Variants in CABCOCO1 observed in about 807,000 individuals in gnomAD.
The protein encoded by CABCOCO1 is ciliary associated calcium binding coiled-coil 1, also known as ciliary-associated calcium-binding coiled-coil protein 1.
Under a neutral mutation model 35.7 loss-of-function variants are expected in CABCOCO1, and 28 were observed. That is an observed-to-expected ratio of 0.78 (90% CI 0.58 to 1.07). The LOEUF (loss-of-function observed/expected upper bound fraction) is 1.07, where lower values mean the gene tolerates loss of function less well. Ranked by LOEUF, CABCOCO1 falls within the 50% of genes least tolerant of loss-of-function variation. CABCOCO1 has a pLI of 0.00. For synonymous variants in CABCOCO1, 95 were observed against 100.1 expected (o/e 0.95, Z 0.30); for missense variants, 326 against 309.2 (o/e 1.05, Z -0.41).
intron 5 of CABCOCO1, among the ~76,000 whole-genome samples, chr10:61,738,977 GT>G (rs568788033): frequency 2.2e-4 from 33 of 150,438 alleles, no homozygotes; most frequent in Admixed American, 7.3e-4. Context: ...TTACAAGTGA[GT>G]TTTTTTTTTC....
intron 5 of CABCOCO1, among the ~76,000 whole-genome samples, chr10:61,758,969 G>A (rs144109532): frequency 2.6e-4 from 40 of 151,988 alleles, no homozygotes; most frequent in Non-Finnish European, 4.9e-4. Flanking sequence ...TTGAAATATT[G>A]TAGAGACATT....
intron 5 of CABCOCO1, chr10:61,701,756 AT>A (rs1225408650): frequency 3.3e-4 from 325 of 985,196 alleles, no homozygotes; most frequent in Non-Finnish European, 3.8e-4. Context: ...GAAAGTGGAC[AT>A]TTTCAAATCA....
intron 5 of CABCOCO1, among the ~76,000 whole-genome samples, chr10:61,740,049 G>T (rs1841515571): frequency 6.6e-6 from 1 of 152,168 alleles, no homozygotes; most frequent in Admixed American, 6.5e-5. Context: ...TGAACAAGAG[G>T]ATCTAAAAGA....
intron 5 of CABCOCO1, among the ~76,000 whole-genome samples, chr10:61,691,279 A>G (rs1056408710): frequency 3.9e-5 from 6 of 152,146 alleles, no homozygotes; most frequent in Admixed American, 6.6e-5. Flanking sequence ...GAAGACAAGG[A>G]TATCTGCTGC....
chr10:61,680,578 TTA>T (rs1491233443), intron 2 of CABCOCO1, among the ~76,000 whole-genome samples: 2 of 87,778 alleles, frequency 2.3e-5, no homozygotes, highest in Non-Finnish European at 4.0e-5. Context: ...ATATATTATG[TTA>T]TATATAACAT....
At chr10:61,680,508 G>A (rs1839700524) in intron 2 of CABCOCO1, among the ~76,000 whole-genome samples, 2 of 133,862 alleles carry the variant, frequency 1.5e-5, no homozygotes, top group South Asian at 4.5e-4. Context: ...GTTATATTAT[G>A]TTATATATAA....
At chr10:61,678,338 A>T (rs939373889) in intron 2 of CABCOCO1, among the ~76,000 whole-genome samples, 21 of 152,204 alleles carry the variant, frequency 1.4e-4, no homozygotes, top group Admixed American at 1.1e-3. Flanking sequence ...TAGATTAAAC[A>T]TTGAGAAATA....
intron 1 of CABCOCO1, among the ~76,000 whole-genome samples, chr10:61,666,390 C>A (rs1053210436): frequency 6.6e-6 from 1 of 152,096 alleles, no homozygotes; most frequent in African/African-American, 2.4e-5. Flanking sequence ...GGGGACAATG[C>A]CAAAAAAGTC....
intron 7 of CABCOCO1, among the ~76,000 whole-genome samples, chr10:61,765,481 G>A (rs1050889850): frequency 3.9e-5 from 6 of 152,152 alleles, no homozygotes; most frequent in African/African-American, 1.4e-4. Context: ...TAATTGTAAG[G>A]TTATTTGTGT....
intron 5 of CABCOCO1, among the ~76,000 whole-genome samples, chr10:61,719,709 C>T (rs1840951978): frequency 6.6e-6 from 1 of 151,970 alleles, no homozygotes; most frequent in Admixed American, 6.6e-5. Flanking sequence ...CACCCGAGGT[C>T]AGGAGTTCAA....
At chr10:61,736,892 T>G (rs183453381) in intron 5 of CABCOCO1, among the ~76,000 whole-genome samples, 5 of 152,168 alleles carry the variant, frequency 3.3e-5, no homozygotes, top group African/African-American at 7.2e-5. Context: ...TATTTTATTG[T>G]TTTTTTGTGG....
chr10:61,670,612 C>G (rs1839325473), intron 1 of CABCOCO1, among the ~76,000 whole-genome samples: 1 of 152,200 alleles, frequency 6.6e-6, no homozygotes, highest in South Asian at 2.1e-4. Flanking sequence ...ATCTGGTAAA[C>G]TACCGCAAGG....
At chr10:61,664,709 A>G (rs752293147) in intron 1 of CABCOCO1, among the ~76,000 whole-genome samples, 1 of 152,126 alleles carries the variant, frequency 6.6e-6, no homozygotes, top group African/African-American at 2.4e-5. Flanking sequence ...TGGAAACTCC[A>G]TTTTCCGTTT....
intron 5 of CABCOCO1, among the ~76,000 whole-genome samples, chr10:61,745,581 C>A (rs1401998478): frequency 1.3e-5 from 2 of 152,188 alleles, no homozygotes; most frequent in Non-Finnish European, 2.9e-5. Context: ...TGCCTTCTTA[C>A]TCCACCTTCA....
At chr10:61,729,019 A>C (rs1468013583) in intron 5 of CABCOCO1, among the ~76,000 whole-genome samples, 2 of 152,170 alleles carry the variant, frequency 1.3e-5, no homozygotes, top group East Asian at 1.9e-4. Context: ...GTGACTGTAG[A>C]AGGGAGTTAT....
At chr10:61,678,633 TA>T (rs1345757006) in intron 2 of CABCOCO1, among the ~76,000 whole-genome samples, 1 of 152,056 alleles carries the variant, frequency 6.6e-6, no homozygotes, top group Non-Finnish European at 1.5e-5. Flanking sequence ...CATCAAAAAA[TA>T]AGGCTTAATC....
intron 2 of CABCOCO1, among the ~76,000 whole-genome samples, chr10:61,675,284 A>C (rs571268898): frequency 9.2e-5 from 14 of 152,314 alleles, no homozygotes; most frequent in African/African-American, 3.1e-4. Context: ...AAAATACTGG[A>C]AACTTTGCAT....
At chr10:61,669,094 T>C (rs11591873) in intron 1 of CABCOCO1, among the ~76,000 whole-genome samples, 59,059 of 150,106 alleles carry the variant, frequency 0.39, 13,690 homozygotes, top group Middle Eastern at 0.54. Context: ...GAAACTTCTC[T>C]TTAGTAAACT....
rs74340993 is a variant in CABCOCO1 at position 61,735,760 on chromosome 10, G to C, written c.553-24299G>C. Among the ~76,000 whole-genome samples, 285 of 152,244 alleles carry C rather than the reference G, an allele frequency of 1.9e-3. 5 individuals are homozygous for C. Among genetic ancestry groups the C allele is most frequent in the Admixed American group, 0.014 (214 of 15,282 alleles). On this transcript the variant is annotated intron_variant, in intron 5 of 7. Transcript: ENST00000648843. Reference sequence around the variant, plus strand: ...GTCAGATGAGTGAGGGGAAGAAAGGGAGGTTTGAAGAAGTGCTCACAATTC... The same window carrying C: ...GTCAGATGAGTGAGGGGAAGAAAGGCAGGTTTGAAGAAGTGCTCACAATTC...
Sources: allele counts gnomAD v4.1 joint callset (sites outside exome capture counted in the v4.1 genomes callset), GRCh38; gene constraint gnomAD v4.1.1; transcripts MANE v1.5; gene names NCBI Gene and HGNC (gene_info 2026-07-23, HGNC 2026-07-21).